The following EPHB1 variants were observed in gnomAD, a reference collection of about 807,000 sequenced individuals.
EPHB1 encodes the protein ephrin type-B receptor 1.
In EPHB1, 30 loss-of-function variants were observed where a neutral mutation model predicts 94.4. The observed-to-expected ratio is 0.32, with a 90% CI of 0.24 to 0.43. The LOEUF is 0.43. Ranked by LOEUF, EPHB1 falls within the 20% of genes least tolerant of loss-of-function variation. EPHB1 has a pLI of 1.00. For missense variants in EPHB1, 1,055 were observed against 1,308.3 expected, an observed-to-expected ratio of 0.81 and a Z score of 2.99; for synonymous variants, 522 against 489.1, an observed-to-expected ratio of 1.07 and a Z score of -0.89.
chr3:135,121,185 A>G (rs6789165), intron 4 of EPHB1, among the ~76,000 whole-genome samples: 102 of 152,300 alleles, frequency 6.7e-4, no homozygotes, highest in African/African-American at 2.4e-3. Flanking sequence ...AGGAGCTGAG[A>G]TCCTTTACCT....
chr3:134,934,989 C>T (rs1422223066), intron 2 of EPHB1, among the ~76,000 whole-genome samples: 1 of 152,148 alleles, frequency 6.6e-6, no homozygotes, highest in African/African-American at 2.4e-5. Flanking sequence ...AAAACCTTCC[C>T]CAAGAGGACA....
At chr3:134,926,800 A>G (rs2038800335) in intron 2 of EPHB1, among the ~76,000 whole-genome samples, 1 of 152,234 alleles carries the variant, frequency 6.6e-6, no homozygotes, top group African/African-American at 2.4e-5. Flanking sequence ...TGTCGAGAAC[A>G]GTTGAGAGAA....
At chr3:135,189,546 C>A (rs1173100178) in intron 10 of EPHB1, among the ~76,000 whole-genome samples, 1 of 152,206 alleles carries the variant, frequency 6.6e-6, no homozygotes, top group African/African-American at 2.4e-5. Context: ...TACTTTGCAC[C>A]GTGCTCTGCA....
chr3:134,924,438 A>G (rs1436161268), intron 1 of EPHB1, among the ~76,000 whole-genome samples: 2 of 152,246 alleles, frequency 1.3e-5, no homozygotes, highest in Non-Finnish European at 2.9e-5. Context: ...AGATTTGAAT[A>G]GACACTTCAA....
Position 135,192,794 on chromosome 3 carries a change from G to A in EPHB1, c.2101G>A (p.Glu701Lys). 1 of 1,614,162 alleles carries A rather than the reference G, an allele frequency of 6.2e-7. No individual in the cohort carries two copies. Among genetic ancestry groups the A allele is most frequent in the Non-Finnish European group, 8.5e-7 (1 of 1,180,010 alleles). The change falls in exon 11 of 16, where the codon GAG becomes AAG. Residue 701 changes from glutamate to lysine, a missense_variant. Glu to Lys is a moderately conservative substitution (Grantham distance 56, BLOSUM62 1). Coordinates refer to ENST00000398015, the MANE Select transcript of EPHB1 (RefSeq NM_004441.5). ...RPVMIITEFM[E>K]NGALDSFLRQ... ...TGTCATGATCATCACAGAGTTCATGGAGAATGGTGCATTGGATTCTTTCCT... is the reference window on the plus strand; with the variant it reads ...TGTCATGATCATCACAGAGTTCATGAAGAATGGTGCATTGGATTCTTTCCT...
chr3:134,893,299 G>A lies in EPHB1; in HGVS notation c.59-32517G>A, dbSNP rs949746800. Among the ~76,000 whole-genome samples, 8 of 152,184 alleles carry A rather than the reference G, an allele frequency of 5.3e-5. 1 individual carries two copies. Among genetic ancestry groups the A allele is most frequent in the South Asian group, 4.1e-4 (2 of 4,824 alleles). On this transcript the variant is annotated intron_variant, in intron 1 of 15. Transcript: ENST00000398015. ...CCTAAACTATGTTAACTGAAATGAG[G>A]AATGAACAAATCTGTTCACGGGTCG...
intron 1 of EPHB1, among the ~76,000 whole-genome samples, chr3:134,882,787 T>TTTCTTTCTTTC (rs2037775757): frequency 2.9e-5 from 2 of 68,090 alleles, no homozygotes; most frequent in African/African-American, 9.6e-5. Context: ...TCTTTCTTTC[T>TTTCTTTCTTTC]TTCTTTCTTT....
At chr3:134,931,299 C>T (rs2038898600) in intron 2 of EPHB1, among the ~76,000 whole-genome samples, 1 of 152,232 alleles carries the variant, frequency 6.6e-6, no homozygotes, top group Admixed American at 6.5e-5. Context: ...AAAGGCAAAC[C>T]TAGTCCCTCT....
intron 4 of EPHB1, among the ~76,000 whole-genome samples, chr3:135,124,291 C>T (rs1940104821): frequency 6.6e-6 from 1 of 151,696 alleles, no homozygotes; most frequent in African/African-American, 2.4e-5. Flanking sequence ...CTCCCCTCAC[C>T]ACACCAGCAT....
intron 1 of EPHB1, among the ~76,000 whole-genome samples, chr3:134,800,536 G>T (rs907209637): frequency 3.9e-5 from 6 of 152,106 alleles, no homozygotes; most frequent in East Asian, 1.9e-4. Flanking sequence ...AACCCTAAAA[G>T]CTCAGCAGGT....
At chr3:135,202,853 G>A (rs13088801) in intron 12 of EPHB1, among the ~76,000 whole-genome samples, 34 of 152,034 alleles carry the variant, frequency 2.2e-4, no homozygotes, top group Non-Finnish European at 4.4e-4. Context: ...CCATTTGACC[G>A]AGCAATCCTT....
chr3:134,804,833 T>G (rs1233203418), intron 1 of EPHB1, among the ~76,000 whole-genome samples: 3 of 152,140 alleles, frequency 2.0e-5, no homozygotes, highest in African/African-American at 4.8e-5. Context: ...GGGGGGATGT[T>G]GAGGAGAGAA....
At chr3:135,161,775 G>A (rs983410078) in intron 6 of EPHB1, among the ~76,000 whole-genome samples, 2 of 152,142 alleles carry the variant, frequency 1.3e-5, no homozygotes, top group Non-Finnish European at 2.9e-5. Context: ...TGAGCACTCA[G>A]TCATTTCCCT....
chr3:134,901,864 C>T (rs1384782973), intron 1 of EPHB1, among the ~76,000 whole-genome samples: 2 of 152,220 alleles, frequency 1.3e-5, no homozygotes, highest in Admixed American at 6.5e-5. Flanking sequence ...AACGCAGTAC[C>T]TGTAACTACC....
Position 135,206,976 on chromosome 3 carries a change from T to C in EPHB1, c.2346+5287T>C, listed in dbSNP as rs1942917153. Among the ~76,000 whole-genome samples, 6 of 152,252 alleles carry C rather than the reference T, an allele frequency of 3.9e-5. 1 individual carries two copies. In the South Asian group the frequency reaches 1.2e-3, roughly 31 times the overall value. ...TTTCAAGTGCAATTTAAAATCTTCCTGTCCAGTTTCAAAACATGCACATAT... is the reference window on the plus strand; with the variant it reads ...TTTCAAGTGCAATTTAAAATCTTCCCGTCCAGTTTCAAAACATGCACATAT... On this transcript the variant is annotated intron_variant, in intron 12 of 15. Transcript: ENST00000398015.
chr3:134,950,474 A>G (rs917363982), intron 2 of EPHB1, among the ~76,000 whole-genome samples: 2 of 152,212 alleles, frequency 1.3e-5, no homozygotes, highest in African/African-American at 4.8e-5. Context: ...TTTATAAAGA[A>G]AAGAGGTTTA....
chr3:135,238,914 A>G (rs1345681494), intron 12 of EPHB1, among the ~76,000 whole-genome samples: 1 of 152,210 alleles, frequency 6.6e-6, no homozygotes, highest in Non-Finnish European at 1.5e-5. Context: ...GGGTCTCTGC[A>G]CTATCAGACA....
intron 3 of EPHB1, among the ~76,000 whole-genome samples, chr3:134,983,986 G>T (rs1934506474): frequency 6.6e-6 from 1 of 152,206 alleles, no homozygotes; most frequent in Non-Finnish European, 1.5e-5. Flanking sequence ...TACCTCAAGG[G>T]TTAGGTGAAT....
intron 3 of EPHB1, among the ~76,000 whole-genome samples, chr3:134,966,981 C>T (rs1316162106): frequency 1.3e-5 from 2 of 152,170 alleles, no homozygotes; most frequent in Non-Finnish European, 2.9e-5. Flanking sequence ...GGCAGCTGTG[C>T]CATGGCTTAG....
Sources: allele counts gnomAD v4.1 joint callset (sites outside exome capture counted in the v4.1 genomes callset), GRCh38; gene constraint gnomAD v4.1.1; transcripts MANE v1.5; gene names NCBI Gene and HGNC (gene_info 2026-07-23, HGNC 2026-07-21).